HECW1: variants seen among roughly 807,000 people sequenced by gnomAD.
The protein encoded by HECW1 is E3 ubiquitin-protein ligase HECW1.
Under a neutral mutation model 182.3 loss-of-function variants are expected in HECW1, and 61 were observed. That is an observed-to-expected ratio of 0.33 (90% CI 0.27 to 0.41). The LOEUF (loss-of-function observed/expected upper bound fraction) is 0.41, where lower values mean the gene tolerates loss of function less well. HECW1 is among the 10% of genes least tolerant of loss of function. The probability of loss-of-function intolerance (pLI) is 1.00; values close to 1 mark genes in which losing one functional copy is unlikely to be tolerated. For missense variants in HECW1, 1,739 were observed against 2,108.9 expected (o/e 0.82, Z 3.44); for synonymous variants, 859 against 832.6 (o/e 1.03, Z -0.55).
At chr7:43,536,709 G>A (rs370685226) in intron 24 of HECW1, among the ~76,000 whole-genome samples, 30 of 152,120 alleles carry the variant, frequency 2.0e-4, no homozygotes, top group African/African-American at 6.8e-4. Flanking sequence ...CAGCCTGAGG[G>A]GTAGAGGTGA....
At chr7:43,202,865 G>T (rs1039769842) in intron 2 of HECW1, among the ~76,000 whole-genome samples, 1 of 152,108 alleles carries the variant, frequency 6.6e-6, no homozygotes, top group African/African-American at 2.4e-5. Context: ...CCTTCTCCTG[G>T]CTCAGAAGCT....
At chr7:43,552,402 G>T in intron 28 of HECW1, 66 bp downstream of exon 28, 3 of 1,037,890 alleles carry the variant, frequency 2.9e-6, no homozygotes, top group Non-Finnish European at 4.6e-6. Flanking sequence ...CCAAAAGATT[G>T]TTTTGTTGAG....
Position 43,292,152 on chromosome 7 carries a change from C to T in HECW1, c.28-19611C>T, listed in dbSNP as rs79117591. ...CTGCAGTTTCTCAAAATAAACAGCT[C>T]GAAATAATCCTTATGCCAAAGAGGC... On this transcript the variant is annotated intron_variant, in intron 3 of 29. Transcript: ENST00000395891. 9.7e-3 allele frequency among the ~76,000 whole-genome samples: 1,482 copies of T among 152,206 alleles called. 29 individuals are homozygous for T. Among genetic ancestry groups the T allele is most frequent in the African/African-American group, 0.034 (1,394 of 41,520 alleles).
At chr7:43,523,661 C>A (rs897442486) in intron 24 of HECW1, among the ~76,000 whole-genome samples, 1 of 152,066 alleles carries the variant, frequency 6.6e-6, no homozygotes, top group African/African-American at 2.4e-5. Context: ...AAGAGTCAGC[C>A]CCTTTTTCCT....
intron 6 of HECW1, among the ~76,000 whole-genome samples, chr7:43,384,306 T>C (rs1389014598): frequency 6.6e-6 from 1 of 152,186 alleles, no homozygotes; most frequent in Admixed American, 6.5e-5. Flanking sequence ...CTGGCCAGTA[T>C]TTAATGAAAG....
At chr7:43,427,048 A>G (rs1253144546) in intron 8 of HECW1, among the ~76,000 whole-genome samples, 16 of 152,034 alleles carry the variant, frequency 1.1e-4, no homozygotes, top group Admixed American at 1.0e-3. Context: ...AAGGCCCTGA[A>G]AGTTTATGGT....
At chr7:43,541,340 C>G in intron 25 of HECW1, 79 bp downstream of exon 25, 1 of 1,087,096 alleles carries the variant, frequency 9.2e-7, no homozygotes, top group East Asian at 2.4e-5. Context: ...TGCCACTGAC[C>G]CTTTTGTCAC....
intron 19 of HECW1, among the ~76,000 whole-genome samples, chr7:43,497,477 C>T (rs2079163639): frequency 6.6e-6 from 1 of 151,974 alleles, no homozygotes; most frequent in Non-Finnish European, 1.5e-5. Context: ...CAGATGCAAT[C>T]ATATTTCATC....
At chr7:43,461,696 G>A (rs917320813) in intron 13 of HECW1, among the ~76,000 whole-genome samples, 4 of 152,262 alleles carry the variant, frequency 2.6e-5, no homozygotes, top group East Asian at 3.9e-4. Flanking sequence ...GATGTACGGG[G>A]TGGTGAATTA....
intron 6 of HECW1, among the ~76,000 whole-genome samples, chr7:43,367,290 G>T (rs1035178666): frequency 1.3e-5 from 2 of 152,060 alleles, no homozygotes; most frequent in East Asian, 1.9e-4. Context: ...ATTTATTTTT[G>T]CAGCATATCA....
At chr7:43,429,687 C>CA (rs1384735976) in intron 8 of HECW1, among the ~76,000 whole-genome samples, 1 of 152,210 alleles carries the variant, frequency 6.6e-6, no homozygotes, top group African/African-American at 2.4e-5. Flanking sequence ...CTATAGTTCA[C>CA]ATGCTCCATT....
At chr7:43,482,243 C>T (rs1020180859) in intron 17 of HECW1, among the ~76,000 whole-genome samples, 4 of 152,086 alleles carry the variant, frequency 2.6e-5, no homozygotes, top group African/African-American at 9.7e-5. Flanking sequence ...AACAAAGACT[C>T]GGCCTCTAAG....
At chr7:43,332,797 T>TC (rs1183230984) in intron 5 of HECW1, among the ~76,000 whole-genome samples, 3 of 152,208 alleles carry the variant, frequency 2.0e-5, no homozygotes, top group African/African-American at 7.2e-5. Flanking sequence ...CTTTGAGCCA[T>TC]CCCAATGTAC....
intron 2 of HECW1, among the ~76,000 whole-genome samples, chr7:43,196,664 C>A (rs917238251): frequency 3.9e-5 from 6 of 152,182 alleles, no homozygotes; most frequent in African/African-American, 1.4e-4. Context: ...ATGGGCCGGG[C>A]TCCAGAGAGA....
chr7:43,404,717 C>T (rs1281640162), intron 7 of HECW1, among the ~76,000 whole-genome samples: 3 of 152,050 alleles, frequency 2.0e-5, no homozygotes, highest in Non-Finnish European at 4.4e-5. Context: ...CAGTGGCTCA[C>T]ACCTGTAATC....
chr7:43,181,599 A>AT (rs1239299188), intron 2 of HECW1, among the ~76,000 whole-genome samples: 2 of 150,558 alleles, frequency 1.3e-5, no homozygotes, highest in Admixed American at 6.6e-5. Context: ...GATGTTGAGT[A>AT]TTTTTTTACA....
In HECW1 at chr7:43,562,678, T is replaced by C; in HGVS notation, c.*752T>C. On this transcript the variant is annotated 3_prime_UTR_variant, in exon 30 of 30. Coordinates refer to ENST00000395891, the MANE Select transcript of HECW1 (RefSeq NM_015052.5). The stretch of plus-strand genomic sequence containing the variant: ...AGAAGTTTAGGAGGGGGAGCATCCC[T>C]AGTGAATACTCACACCACAAGAAGG... 4.4e-6 allele frequency: 1 copy of C among 225,022 alleles called. No homozygotes were observed. The highest frequency in any genetic ancestry group is 8.9e-6 in the Non-Finnish European group (1 of 112,552). 13.9% of individuals were successfully genotyped at this position (225,022 alleles called of 1,614,324 possible).
rs1386700252 is a variant in HECW1 at position 43,123,254 on chromosome 7, G to A, written c.-32+8863G>A. Among the ~76,000 whole-genome samples the A allele has an allele frequency of 7.9e-5, 12 of 152,130 alleles. 1 individual carries two copies. Among genetic ancestry groups the A allele is most frequent in the South Asian group, 4.2e-4 (2 of 4,816 alleles). On this transcript the variant is annotated intron_variant, in intron 2 of 29. Transcript: ENST00000395891. Reference sequence around the variant, plus strand: ...TCCTCAATTTTACAATATTGCTTCCGGAGGAGCTACTCACAGTTCGGTCAT... The same window carrying A: ...TCCTCAATTTTACAATATTGCTTCCAGAGGAGCTACTCACAGTTCGGTCAT...
intron 5 of HECW1, among the ~76,000 whole-genome samples, chr7:43,340,038 AG>A (rs1812763054): frequency 6.6e-6 from 1 of 151,810 alleles, no homozygotes; most frequent in Non-Finnish European, 1.5e-5. Flanking sequence ...ACCAGGAAAA[AG>A]GGGGTACAGG....
Sources: allele counts gnomAD v4.1 joint callset (sites outside exome capture counted in the v4.1 genomes callset), GRCh38; gene constraint gnomAD v4.1.1; transcripts MANE v1.5; gene names NCBI Gene and HGNC (gene_info 2026-07-23, HGNC 2026-07-21).